TMEM170B: variants seen among roughly 807,000 people sequenced by gnomAD.
The protein encoded by TMEM170B is transmembrane protein 170B.
In TMEM170B, 6 loss-of-function variants were observed where a neutral mutation model predicts 13.0. The ratio of observed to expected loss-of-function variants is 0.46; its 90% CI spans 0.25 to 0.91. The LOEUF (loss-of-function observed/expected upper bound fraction) is 0.91. Among genes scored for constraint, TMEM170B ranks in the 40% least tolerant of loss-of-function variants. TMEM170B has a pLI of 0.17. For synonymous variants in TMEM170B, 61 were observed against 64.9 expected, an observed-to-expected ratio of 0.94 and a Z score of 0.29; for missense variants, 138 against 165.2, an observed-to-expected ratio of 0.84 and a Z score of 0.90.
intron 1 of TMEM170B, among the ~76,000 whole-genome samples, chr6:11,550,928 T>C (rs1399390950): frequency 2.0e-5 from 3 of 152,220 alleles, no homozygotes; most frequent in Non-Finnish European, 4.4e-5. Flanking sequence ...TATTAACTTA[T>C]ACATCTTTGT....
chr6:11,552,339 T>C (rs1352799125), intron 1 of TMEM170B, among the ~76,000 whole-genome samples: 1 of 152,210 alleles, frequency 6.6e-6, no homozygotes, highest in Non-Finnish European at 1.5e-5. Flanking sequence ...TAACAGATTA[T>C]ATTAAATTTA....
rs1030812968 is a variant in TMEM170B at position 11,579,548 on chromosome 6, G to A, written c.*3987G>A. ...CTATATTTTCCTTACATATGCTTTA[G>A]GAAAGAAACTAAAAACGTTTTCTTA... is the stretch of plus-strand genomic sequence containing the variant. On this transcript the variant is annotated 3_prime_UTR_variant, in exon 3 of 3. Coordinates refer to ENST00000379426, the MANE Select transcript of TMEM170B (RefSeq NM_001100829.3). The A allele has an allele frequency of 6.6e-6, 1 of 152,056 alleles. No individual in the cohort carries two copies. Among genetic ancestry groups the A allele is most frequent in the African/African-American group, 2.4e-5 (1 of 41,394 alleles). The allele number at this position is 152,056 out of a possible 1,614,324, so 9.4% of individuals were successfully genotyped here. A position where few individuals can be genotyped will look rare whatever the true frequency, so the allele number is the denominator to read the frequency against.
chr6:11,544,456 T>C (rs560436475), intron 1 of TMEM170B, among the ~76,000 whole-genome samples: 1 of 152,328 alleles, frequency 6.6e-6, no homozygotes, highest in East Asian at 1.9e-4. Context: ...CCTGAAGATG[T>C]ATGAATGGAA....
intron 1 of TMEM170B, among the ~76,000 whole-genome samples, chr6:11,556,775 A>AGTT (rs909372659): frequency 7.2e-5 from 11 of 152,078 alleles, no homozygotes; most frequent in African/African-American, 2.7e-4. Flanking sequence ...CCTAAACTGG[A>AGTT]GTTCTACTAG....
intron 1 of TMEM170B, among the ~76,000 whole-genome samples, chr6:11,545,738 A>T (rs909343942): frequency 2.3e-5 from 3 of 130,512 alleles, no homozygotes; most frequent in African/African-American, 9.4e-5. Context: ...CTACTTGTTT[A>T]AAAAAAAAAG....
intron 1 of TMEM170B, among the ~76,000 whole-genome samples, chr6:11,546,737 A>C (rs1759446231): frequency 6.6e-6 from 1 of 152,234 alleles, no homozygotes; most frequent in Non-Finnish European, 1.5e-5. Context: ...AATAGGCTAT[A>C]CCATATAGCC....
In TMEM170B at chr6:11,575,709, G is replaced by T; in HGVS notation, c.*148G>T. ...AGGAAGACCTTGAGCTGTGTGGAAG[G>T]ATTGCCCTCTGGTGTTCAAGTGATT... On this transcript the variant is annotated 3_prime_UTR_variant, in exon 3 of 3. Transcript: ENST00000379426. The surrounding 1 kb of genome is among the most constrained non-coding windows in gnomAD (Gnocchi z 4.1). 1 of 937,602 alleles carries T rather than the reference G, an allele frequency of 1.1e-6. No homozygotes were observed. Among genetic ancestry groups the T allele is most frequent in the East Asian group, 2.6e-5 (1 of 38,402 alleles). 58.1% of individuals were successfully genotyped at this position (937,602 alleles called of 1,614,324 possible). A position where few individuals can be genotyped will look rare whatever the true frequency, so the allele number is the denominator to read the frequency against.
At chr6:11,565,375 G>T (rs947458747) in intron 1 of TMEM170B, among the ~76,000 whole-genome samples, 53 of 152,016 alleles carry the variant, frequency 3.5e-4, no homozygotes, top group Non-Finnish European at 8.8e-5. Flanking sequence ...ATATATCAGG[G>T]GTTTAATATA....
At chr6:11,560,597 A>G (rs78029862) in intron 1 of TMEM170B, among the ~76,000 whole-genome samples, 19 of 151,106 alleles carry the variant, frequency 1.3e-4, no homozygotes, top group East Asian at 7.7e-4. Flanking sequence ...AAAAAAAAAA[A>G]AATGAAAAAC....
intron 2 of TMEM170B, among the ~76,000 whole-genome samples, chr6:11,574,635 C>T (rs1582147814): frequency 6.6e-6 from 1 of 152,214 alleles, no homozygotes; most frequent in East Asian, 1.9e-4. Context: ...ATGTTTCCTC[C>T]TTTATGGTTC....
chr6:11,537,791 G>A lies in TMEM170B; in HGVS notation c.-487G>A, dbSNP rs550276391. Among the ~76,000 whole-genome samples, 3 of 151,494 alleles carry A rather than the reference G, an allele frequency of 2.0e-5. No homozygotes were observed. The highest frequency in any genetic ancestry group is 6.6e-5 in the Admixed American group (1 of 15,254). On this transcript the variant is annotated 5_prime_UTR_variant, in exon 1 of 3. The change creates a new upstream start codon in the 5' untranslated region. Transcript: ENST00000379426. ...CCGAGGGCGGGCAGGCGGGCGGCAG[G>A]TGCCGCCGCAGCCTCTGGCTGGTCC... is the stretch of plus-strand genomic sequence containing the variant.
In TMEM170B at chr6:11,582,928, A is replaced by G. The variant is rs1190267623; in HGVS notation, c.*7367A>G. On this transcript the variant is annotated 3_prime_UTR_variant, in exon 3 of 3. Coordinates refer to ENST00000379426, the MANE Select transcript of TMEM170B (RefSeq NM_001100829.3). ...GTTTAATTTTGAAGGATTATTTTAAAAACTATGTTTATATATAATACCTAA... is the reference window on the plus strand; with the variant it reads ...GTTTAATTTTGAAGGATTATTTTAAGAACTATGTTTATATATAATACCTAA... The G allele has an allele frequency of 1.3e-5, 2 of 152,182 alleles. No homozygotes were observed. Among genetic ancestry groups the G allele is most frequent in the East Asian group, 3.8e-4 (2 of 5,198 alleles). The allele number at this position is 152,182 out of a possible 1,614,324, so 9.4% of individuals were successfully genotyped here.
chr6:11,578,814 T>G lies in TMEM170B; in HGVS notation c.*3253T>G, dbSNP rs911826402. 1 of 152,232 alleles carries G rather than the reference T, an allele frequency of 6.6e-6. No homozygotes were observed. The highest frequency in any genetic ancestry group is 2.4e-5 in the African/African-American group (1 of 41,458). 9.4% of individuals were successfully genotyped at this position (152,232 alleles called of 1,614,324 possible). ...ATGAGTTGGCCTGTATATCTTGTAT[T>G]TGTGATATGAGCAACGGGATAATTT... On this transcript the variant is annotated 3_prime_UTR_variant, in exon 3 of 3. Transcript: ENST00000379426.
At chr6:11,560,840 A>G (rs561000429) in intron 1 of TMEM170B, among the ~76,000 whole-genome samples, 1 of 152,224 alleles carries the variant, frequency 6.6e-6, no homozygotes, top group Admixed American at 6.5e-5. Flanking sequence ...GTTTTTACTC[A>G]GTATTTTTTA....
chr6:11,581,638 A>G lies in TMEM170B; in HGVS notation c.*6077A>G, dbSNP rs763816203. Reference sequence around the variant, plus strand: ...AACTGTAACACTTTTTCTCTTATAAATTGGTAGTTCCTAAAAATCACCACT... The same window carrying G: ...AACTGTAACACTTTTTCTCTTATAAGTTGGTAGTTCCTAAAAATCACCACT... On this transcript the variant is annotated 3_prime_UTR_variant, in exon 3 of 3. Coordinates refer to ENST00000379426, the MANE Select transcript of TMEM170B (RefSeq NM_001100829.3). The G allele has an allele frequency of 7.9e-5, 12 of 152,200 alleles. No homozygotes were observed. Among genetic ancestry groups the G allele is most frequent in the Non-Finnish European group, 1.6e-4 (11 of 68,026 alleles). 9.4% of individuals were successfully genotyped at this position (152,200 alleles called of 1,614,324 possible).
chr6:11,562,627 C>T (rs1348052090), intron 1 of TMEM170B, among the ~76,000 whole-genome samples: 1 of 151,752 alleles, frequency 6.6e-6, no homozygotes, highest in African/African-American at 2.4e-5. Flanking sequence ...TTGTAAGAAC[C>T]AATACATAGA....
intron 1 of TMEM170B, among the ~76,000 whole-genome samples, chr6:11,547,737 C>G (rs1759459478): frequency 6.6e-6 from 1 of 151,848 alleles, no homozygotes. Context: ...TAATTTCTGT[C>G]TCATTATTTT....
intron 2 of TMEM170B, among the ~76,000 whole-genome samples, chr6:11,569,488 G>A (rs1199626228): frequency 2.0e-5 from 3 of 152,196 alleles, no homozygotes; most frequent in East Asian, 3.9e-4. Flanking sequence ...TTTGTAAAGG[G>A]CCAAGTAATA....
At chr6:11,557,280 T>G (rs1458503464) in intron 1 of TMEM170B, among the ~76,000 whole-genome samples, 2 of 152,254 alleles carry the variant, frequency 1.3e-5, no homozygotes, top group Non-Finnish European at 2.9e-5. Context: ...TTTTGCAAAT[T>G]TTTATATTAA....
Sources: allele counts gnomAD v4.1 joint callset (sites outside exome capture counted in the v4.1 genomes callset), GRCh38; gene constraint gnomAD v4.1.1; non-coding constraint Gnocchi (gnomAD v3.1); transcripts MANE v1.5; gene names NCBI Gene and HGNC (gene_info 2026-07-23, HGNC 2026-07-21).